CADM2: variants seen among roughly 807,000 people sequenced by gnomAD.
CADM2 encodes cell adhesion molecule 2, also known as immunoglobulin superfamily member 4D.
A neutral mutation model predicts 49.8 loss-of-function variants in CADM2; 12 were observed. The observed-to-expected ratio is 0.24, with a 90% CI of 0.15 to 0.39. The LOEUF (loss-of-function observed/expected upper bound fraction) is 0.39. CADM2 is among the 10% of genes least tolerant of loss of function. The pLI is 1.00. For synonymous variants in CADM2, 214 were observed against 175.4 expected (o/e 1.22, Z -1.74); for missense variants, 378 against 492.3 (o/e 0.77, Z 2.20).
chr3:85,783,745 A>C lies in CADM2; in HGVS notation c.89-18302A>C, dbSNP rs2070799229. Among the ~76,000 whole-genome samples, 3 of 152,338 alleles carry C rather than the reference A, an allele frequency of 2.0e-5. No individual in the cohort carries two copies. In the South Asian group the frequency reaches 6.2e-4, roughly 32 times the overall value. On this transcript the variant is annotated intron_variant, in intron 2 of 9. Coordinates refer to ENST00000383699, the MANE Select transcript of CADM2 (RefSeq NM_001167675.2). Reference sequence around the variant, plus strand: ...CAAACTGTAACAAACAGCAGAGTTTACTGGATTATCTTATCATTAATTAGG... The same window carrying C: ...CAAACTGTAACAAACAGCAGAGTTTCCTGGATTATCTTATCATTAATTAGG...
At chr3:85,177,983 A>G (rs765908215) in intron 1 of CADM2, among the ~76,000 whole-genome samples, 26 of 152,106 alleles carry the variant, frequency 1.7e-4, no homozygotes, top group Admixed American at 4.6e-4. Flanking sequence ...TAAGCATGCA[A>G]TATGATTCCT....
chr3:85,300,392 T>A (rs1349419101), intron 1 of CADM2, among the ~76,000 whole-genome samples: 1 of 152,172 alleles, frequency 6.6e-6, no homozygotes, highest in Admixed American at 6.6e-5. Context: ...TTAAAAATCA[T>A]ATTATATGAA....
chr3:85,556,436 TTCAAAAATTTAACG>T (rs1218863871), intron 1 of CADM2, among the ~76,000 whole-genome samples: 1 of 152,110 alleles, frequency 6.6e-6, no homozygotes, highest in East Asian at 1.9e-4. Context: ...TCAACTCTAT[TTCAAAAATTTAACG>T]TCAAAAACTA....
intron 1 of CADM2, among the ~76,000 whole-genome samples, chr3:85,402,055 G>A (rs181569187): frequency 5.9e-5 from 9 of 152,014 alleles, no homozygotes; most frequent in Admixed American, 3.3e-4. Flanking sequence ...ATAGAAATAC[G>A]TTATTTCTAC....
chr3:85,282,283 G>A (rs1278897924), intron 1 of CADM2, among the ~76,000 whole-genome samples: 1 of 94,558 alleles, frequency 1.1e-5, no homozygotes, highest in Non-Finnish European at 2.0e-5. Context: ...TTTTTTTTTC[G>A]GACAGTCTCA....
intron 1 of CADM2, among the ~76,000 whole-genome samples, chr3:85,221,699 A>G (rs564438976): frequency 1.5e-4 from 23 of 152,306 alleles, no homozygotes; most frequent in African/African-American, 5.1e-4. Flanking sequence ...GAAAAGTGTG[A>G]GAAACAAGCT....
intron 1 of CADM2, among the ~76,000 whole-genome samples, chr3:84,975,270 T>C (rs572695848): frequency 6.6e-6 from 1 of 151,966 alleles, no homozygotes; most frequent in East Asian, 1.9e-4. Flanking sequence ...ACTCTCCATC[T>C]ATATTTAGTA....
chr3:86,066,567 A>G, intron 9 of CADM2, 98 bp from the exon 10 acceptor site: 1 of 916,996 alleles, frequency 1.1e-6, no homozygotes, highest in Admixed American at 2.0e-5. Flanking sequence ...TTAGGTCTCA[A>G]AAATCTGGCA....
chr3:85,594,421 A>T (rs1053433859), intron 1 of CADM2, among the ~76,000 whole-genome samples: 1 of 151,982 alleles, frequency 6.6e-6, no homozygotes, highest in Non-Finnish European at 1.5e-5. Flanking sequence ...TTGAAAATAT[A>T]ATTATATTTT....
At chr3:85,870,984 C>G (rs2075906480) in intron 3 of CADM2, among the ~76,000 whole-genome samples, 1 of 152,156 alleles carries the variant, frequency 6.6e-6, no homozygotes. Context: ...TAGGAACTGA[C>G]AGAGATTTCC....
chr3:85,283,229 G>A (rs999286353), intron 1 of CADM2, among the ~76,000 whole-genome samples: 1 of 151,808 alleles, frequency 6.6e-6, no homozygotes, highest in African/African-American at 2.4e-5. Flanking sequence ...AAATTACAAT[G>A]TAGTTTTTCT....
chr3:85,264,179 C>G (rs1309016776), intron 1 of CADM2, among the ~76,000 whole-genome samples: 1 of 152,062 alleles, frequency 6.6e-6, no homozygotes, highest in Non-Finnish European at 1.5e-5. Flanking sequence ...GCTGTAAAAG[C>G]TCAGCACAGA....
intron 1 of CADM2, among the ~76,000 whole-genome samples, chr3:85,451,013 T>C (rs1049777751): frequency 6.6e-6 from 1 of 152,048 alleles, no homozygotes; most frequent in African/African-American, 2.4e-5. Flanking sequence ...TTTGATGTTT[T>C]TGCGTCTTTT....
intron 2 of CADM2, among the ~76,000 whole-genome samples, chr3:85,772,176 C>T (rs1577276394): frequency 6.6e-6 from 1 of 151,886 alleles, no homozygotes; most frequent in East Asian, 1.9e-4. Context: ...ACAAGTTGGA[C>T]CAGCTTTAAA....
intron 1 of CADM2, among the ~76,000 whole-genome samples, chr3:85,402,392 T>C (rs2035157408): frequency 6.6e-6 from 1 of 152,084 alleles, no homozygotes. Flanking sequence ...GGAAAGGACA[T>C]CAAACTCAGT....
chr3:85,228,407 T>C (rs2042209172), intron 1 of CADM2, among the ~76,000 whole-genome samples: 1 of 151,676 alleles, frequency 6.6e-6, no homozygotes, highest in Non-Finnish European at 1.5e-5. Flanking sequence ...TTCTTCTGCT[T>C]GATTGATTTA....
At chr3:85,296,470 T>G (rs980776430) in intron 1 of CADM2, among the ~76,000 whole-genome samples, 2 of 152,036 alleles carry the variant, frequency 1.3e-5, no homozygotes, top group Non-Finnish European at 2.9e-5. Context: ...GTCCCTATAT[T>G]GATATTCTGT....
At chr3:85,922,429 A>G (rs531763247) in intron 6 of CADM2, among the ~76,000 whole-genome samples, 1 of 152,154 alleles carries the variant, frequency 6.6e-6, no homozygotes, top group South Asian at 2.1e-4. Flanking sequence ...TTAATGACGT[A>G]TTAATGTAAT....
chr3:85,211,585 A>G (rs1189405520), intron 1 of CADM2, among the ~76,000 whole-genome samples: 1 of 152,122 alleles, frequency 6.6e-6, no homozygotes, highest in Non-Finnish European at 1.5e-5. Context: ...ATGTATGTAT[A>G]GTTTCCAAAA....
Sources: allele counts gnomAD v4.1 joint callset (sites outside exome capture counted in the v4.1 genomes callset), GRCh38; gene constraint gnomAD v4.1.1; transcripts MANE v1.5; gene names NCBI Gene and HGNC (gene_info 2026-07-23, HGNC 2026-07-21).